Variants in UBE4A observed in about 807,000 individuals in gnomAD.
UBE4A encodes the protein ubiquitin conjugation factor E4 A.
Under a neutral mutation model 117.9 loss-of-function variants are expected in UBE4A, and 48 were observed. The ratio of observed to expected loss-of-function variants is 0.41; its 90% CI spans 0.32 to 0.52. UBE4A has a LOEUF of 0.52. Among genes scored for constraint, UBE4A ranks in the 20% least tolerant of loss-of-function variants. The pLI, the probability that UBE4A is intolerant of heterozygous loss-of-function variation, is 0.33. For synonymous variants in UBE4A, 407 were observed against 450.0 expected (o/e 0.90, Z 1.21); for missense variants, 1,067 against 1,296.3 (o/e 0.82, Z 2.72).
intron 2 of UBE4A, 112 bp from the exon 3 acceptor site, chr11:118,368,519 C>A: frequency 8.1e-7 from 1 of 1,232,996 alleles, no homozygotes; most frequent in Non-Finnish European, 1.1e-6. Flanking sequence ...AGATGATTAG[C>A]TTGTTTTACA....
At chr11:118,375,688 A>G (rs1334260484) in intron 9 of UBE4A, among the ~76,000 whole-genome samples, 4 of 141,244 alleles carry the variant, frequency 2.8e-5, no homozygotes, top group Non-Finnish European at 6.4e-5. Flanking sequence ...TGTTTGAGAG[A>G]AAAAAAAAAA....
At chr11:118,390,849 G>T (rs782150084) in intron 18 of UBE4A, 45 bp downstream of exon 18, 1 of 1,597,156 alleles carries the variant, frequency 6.3e-7, no homozygotes, top group African/African-American at 1.3e-5. Context: ...TAAGAACCAC[G>T]TTGTCAGCCA....
At chr11:118,369,892 G>T (rs1357078061) in intron 4 of UBE4A, among the ~76,000 whole-genome samples, 1 of 151,496 alleles carries the variant, frequency 6.6e-6, no homozygotes, top group African/African-American at 2.4e-5. Context: ...AGGAGATCAA[G>T]ACCATCTGGC....
chr11:118,376,614 G>T lies in UBE4A; in HGVS notation c.1491G>T (p.Glu497Asp). The change falls in exon 10 of 20, where the codon GAG becomes GAT. Residue 497 changes from glutamate to aspartate, a missense_variant. By Grantham distance (45) the Glu-to-Asp change is conservative (BLOSUM62 2). Around this residue, in one of 3 missense-constraint regions of UBE4A, gnomAD observed 1,001 missense variants for 1,184.0 expected, o/e 0.85. Transcript: ENST00000252108. The stretch of plus-strand genomic sequence containing the variant: ...CCTGTTTGATCCCAGCTGTGCAGGA[G>T]CCGAAGTTTCCACAGAACTACAACC... Reference protein sequence around the residue: ...KETCLIPAVQEPKFPQNYNLV... With the variant: ...KETCLIPAVQDPKFPQNYNLV... 6.2e-7 allele frequency: 1 copy of T among 1,614,000 alleles called. No homozygotes were observed. The highest frequency in any genetic ancestry group is 8.5e-7 in the Non-Finnish European group (1 of 1,179,988).
In UBE4A at chr11:118,369,422, G is replaced by A; in HGVS notation, c.296-1G>A. On this transcript the variant is annotated splice_acceptor_variant, in intron 3 of 19. Transcript: ENST00000252108. LOFTEE classifies it high-confidence loss of function. ...CCTATCATATTAAAACCATTTCCCA[G>A]GTGATCCCAGCTTGAAAAGCGGGAA... 2 of 1,612,580 alleles carry A rather than the reference G, an allele frequency of 1.2e-6. No individual in the cohort carries two copies. The highest frequency in any genetic ancestry group is 1.7e-6 in the Non-Finnish European group (2 of 1,178,636).
At chr11:118,363,606 CTTTTTTTTTTT>C (rs199847839) in intron 1 of UBE4A, among the ~76,000 whole-genome samples, 2 of 122,848 alleles carry the variant, frequency 1.6e-5, no homozygotes, top group African/African-American at 6.1e-5. Context: ...ACCACATTAG[CTTTTTTTTTTT>C]TTTTTTTTTT....
At chr11:118,363,287 A>C (rs1159357976) in intron 1 of UBE4A, among the ~76,000 whole-genome samples, 1 of 152,174 alleles carries the variant, frequency 6.6e-6, no homozygotes, top group Non-Finnish European at 1.5e-5. Context: ...CATGCCTATA[A>C]TTCCAGCACT....
intron 4 of UBE4A, among the ~76,000 whole-genome samples, chr11:118,369,866 G>A (rs1187192576): frequency 6.6e-6 from 1 of 152,024 alleles, no homozygotes; most frequent in Non-Finnish European, 1.5e-5. Context: ...GGCTGAGGCA[G>A]GTGGATCACG....
chr11:118,379,350 A>G (rs1555125867), intron 10 of UBE4A, 96 bp from the exon 11 acceptor site: 16 of 1,368,072 alleles, frequency 1.2e-5, no homozygotes, highest in Non-Finnish European at 1.5e-5. Context: ...ACTCCCTACT[A>G]TCCTTAAAGA....
rs1260212859 is a variant in UBE4A, at chr11:118,388,727, A to T, written c.2588-998A>T. The stretch of plus-strand genomic sequence containing the variant: ...ATTGATAAGTGTAGGAAAAAACTGA[A>T]AATAGTAAAAATGTCCACCAGTAAA... On this transcript the variant is annotated intron_variant, in intron 16 of 19. Transcript: ENST00000252108. Among the ~76,000 whole-genome samples the T allele has an allele frequency of 2.0e-5, 3 of 152,332 alleles. No individual in the cohort carries two copies. The East Asian group carries it at 5.8e-4, about 29-fold the overall frequency.
chr11:118,393,641 G>A (rs1236569831), intron 19 of UBE4A, among the ~76,000 whole-genome samples: 1 of 151,738 alleles, frequency 6.6e-6, no homozygotes, highest in East Asian at 1.9e-4. Context: ...TGTCACCAAG[G>A]CTAGAGTGCA....
rs1948901176 is a variant in UBE4A, at chr11:118,399,050, C to T, written c.*2610C>T. On this transcript the variant is annotated 3_prime_UTR_variant, in exon 20 of 20. Coordinates refer to ENST00000252108, the MANE Select transcript of UBE4A (RefSeq NM_001204077.2). ...TAATGCACATGCTCTAACTGCTCAA[C>T]AGGAAATGAACCTAGAAACAGAAAA... 1 of 456,410 alleles carries T rather than the reference C, an allele frequency of 2.2e-6. No homozygotes were observed. Among genetic ancestry groups the T allele is most frequent in the Non-Finnish European group, 4.4e-6 (1 of 226,906 alleles). 28.3% of individuals were successfully genotyped at this position (456,410 alleles called of 1,614,324 possible). A position where few individuals can be genotyped will look rare whatever the true frequency, so the allele number is the denominator to read the frequency against.
intron 11 of UBE4A, among the ~76,000 whole-genome samples, chr11:118,381,123 C>T (rs1339150771): frequency 6.6e-6 from 1 of 152,086 alleles, no homozygotes; most frequent in African/African-American, 2.4e-5. Flanking sequence ...CACAGTTAAC[C>T]TTGAGAGTAA....
At chr11:118,386,333 G>A (rs1032996052) in intron 15 of UBE4A, 105 bp from the exon 16 acceptor site, 24 of 1,300,148 alleles carry the variant, frequency 1.8e-5, no homozygotes, top group African/African-American at 1.4e-4. Flanking sequence ...ATGGTCCCTC[G>A]TTTTCCCAGC....
intron 3 of UBE4A, 123 bp downstream of exon 3, chr11:118,368,927 C>T (rs1306318615): frequency 2.0e-6 from 2 of 979,136 alleles, no homozygotes; most frequent in African/African-American, 1.6e-5. Context: ...CTCCCTGGAA[C>T]TCAGGGTTTA....
chr11:118,376,724 C>T, intron 10 of UBE4A, 30 bp downstream of exon 10: 1 of 1,609,506 alleles, frequency 6.2e-7, no homozygotes, highest in Non-Finnish European at 8.5e-7. Flanking sequence ...TAGGAAAAAA[C>T]AGTTTAGTTG....
chr11:118,368,866 C>G (rs755926128), intron 3 of UBE4A, 62 bp downstream of exon 3: 21 of 1,544,664 alleles, frequency 1.4e-5, no homozygotes, highest in Non-Finnish European at 1.9e-5. Flanking sequence ...TAGGGGCTTG[C>G]TCTTTGAAAC....
intron 16 of UBE4A, among the ~76,000 whole-genome samples, chr11:118,388,145 C>T (rs1948776226): frequency 6.6e-6 from 1 of 152,146 alleles, no homozygotes; most frequent in Non-Finnish European, 1.5e-5. Context: ...TTTACATAAT[C>T]TTAATAACAA....
intron 4 of UBE4A, among the ~76,000 whole-genome samples, chr11:118,370,101 A>AG (rs1319221239): frequency 2.6e-5 from 4 of 152,020 alleles, no homozygotes; most frequent in African/African-American, 9.7e-5. Flanking sequence ...CAAAAAAAAA[A>AG]AAGAAAAAAT....
Sources: gnomAD v4.1 joint callset for allele counts (sites outside exome capture counted in the v4.1 genomes callset) on GRCh38, gnomAD v4.1.1 for gene constraint, gnomAD v4.1.1 regional missense constraint, MANE v1.5 for transcripts, NCBI Gene and HGNC (gene_info 2026-07-23, HGNC 2026-07-21) for gene names.